The following DLGAP2 variants were observed in gnomAD, a reference collection of about 807,000 sequenced individuals.
The protein encoded by DLGAP2 is DLG associated protein 2, also known as disks large-associated protein 2.
A neutral mutation model predicts 100.3 loss-of-function variants in DLGAP2; 26 were observed. The observed-to-expected ratio is 0.26, with a 90% CI of 0.19 to 0.36. The LOEUF is 0.36. Among genes scored for constraint, DLGAP2 ranks in the 10% least tolerant of loss-of-function variants. The pLI, the probability that DLGAP2 is intolerant of heterozygous loss-of-function variation, is 1.00. For missense variants in DLGAP2, 1,858 were observed against 1,453.2 expected, an observed-to-expected ratio of 1.28 and a Z score of -4.53; for synonymous variants, 886 against 630.1, an observed-to-expected ratio of 1.41 and a Z score of -6.08.
chr8:1,139,586 T>A (rs1286654017), intron 2 of DLGAP2, among the ~76,000 whole-genome samples: 1 of 152,132 alleles, frequency 6.6e-6, no homozygotes, highest in Non-Finnish European at 1.5e-5. Context: ...ACTGTGTGAA[T>A]CTTGAGGGTA....
In DLGAP2 at chr8:1,512,404, G is replaced by A. The variant is rs576185143; in HGVS notation, c.172+10973G>A. 9.2e-5 allele frequency among the ~76,000 whole-genome samples: 14 copies of A among 152,240 alleles called. 1 individual carries two copies. Among genetic ancestry groups the A allele is most frequent in the African/African-American group, 3.1e-4 (13 of 41,540 alleles). On this transcript the variant is annotated intron_variant, in intron 4 of 14. Transcript: ENST00000637795. ...GTTCAGACAAATGGTGGAAATCGTC[G>A]GCGGCATAGGGACGGGGCCAGCGTG...
chr8:956,512 G>T (rs958951057), intron 2 of DLGAP2, among the ~76,000 whole-genome samples: 1 of 152,148 alleles, frequency 6.6e-6, no homozygotes, highest in African/African-American at 2.4e-5. Flanking sequence ...GCATGACAGG[G>T]GCCACAGCCC....
intron 3 of DLGAP2, among the ~76,000 whole-genome samples, chr8:1,275,985 A>G (rs1402300159): frequency 3.8e-5 from 5 of 131,192 alleles, no homozygotes; most frequent in East Asian, 2.0e-4. Context: ...AATATAATAT[A>G]TAAATAAATG....
intron 1 of DLGAP2, among the ~76,000 whole-genome samples, chr8:822,657 C>G (rs910612758): frequency 2.0e-5 from 3 of 152,202 alleles, no homozygotes; most frequent in African/African-American, 4.8e-5. Context: ...TGGAGCTTTT[C>G]AAATAGCAGT....
intron 2 of DLGAP2, among the ~76,000 whole-genome samples, chr8:1,145,804 C>T (rs1796596365): frequency 7.0e-6 from 1 of 142,722 alleles, no homozygotes; most frequent in Non-Finnish European, 1.5e-5. Context: ...TGATGTTCCC[C>T]TTCCTGTGTC....
At chr8:1,119,908 G>A (rs1455897773) in intron 2 of DLGAP2, among the ~76,000 whole-genome samples, 1 of 152,186 alleles carries the variant, frequency 6.6e-6, no homozygotes, top group African/African-American at 2.4e-5. Context: ...CTTCTCACTA[G>A]AAAGGTTTCC....
chr8:1,259,139 T>A (rs13278551), intron 3 of DLGAP2, among the ~76,000 whole-genome samples: 1 of 152,176 alleles, frequency 6.6e-6, no homozygotes, highest in Non-Finnish European at 1.5e-5. Flanking sequence ...TTGTTTGTTC[T>A]GGATTGACAA....
intron 1 of DLGAP2, among the ~76,000 whole-genome samples, chr8:879,146 A>G (rs1386563885): frequency 6.6e-6 from 1 of 152,214 alleles, no homozygotes; most frequent in Non-Finnish European, 1.5e-5. Flanking sequence ...AGGATCACAA[A>G]GGGAGTTTGT....
At chr8:1,151,558 G>T (rs7000565) in intron 2 of DLGAP2, among the ~76,000 whole-genome samples, 3,792 of 152,214 alleles carry the variant, frequency 0.025, 175 homozygotes, top group African/African-American at 0.086. Flanking sequence ...TGACGATTCC[G>T]GTTGTTCTTT....
intron 2 of DLGAP2, among the ~76,000 whole-genome samples, chr8:982,602 T>C (rs974845477): frequency 6.6e-6 from 1 of 152,206 alleles, no homozygotes; most frequent in African/African-American, 2.4e-5. Context: ...GTGAAGAGGC[T>C]TAGGAAGATG....
At chr8:1,135,382 G>C (rs2878767) in intron 2 of DLGAP2, among the ~76,000 whole-genome samples, 1 of 152,052 alleles carries the variant, frequency 6.6e-6, no homozygotes, top group Non-Finnish European at 1.5e-5. Context: ...AGTGCATCTC[G>C]TCTTAGGGGA....
Position 1,705,121 on chromosome 8 carries a change from T to C in DLGAP2, c.*3715T>C, listed in dbSNP as rs1484300439. ...TGCAGGCCTGTGTTTGCAGCGCCTG[T>C]GGTAACTGTGGAATGAGCTCTGTTA... On this transcript the variant is annotated 3_prime_UTR_variant, in exon 15 of 15. Coordinates refer to ENST00000637795, the MANE Select transcript of DLGAP2 (RefSeq NM_001346810.2). The C allele has an allele frequency of 6.6e-6, 1 of 152,212 alleles. No homozygotes were observed. The highest frequency in any genetic ancestry group is 2.4e-5 in the African/African-American group (1 of 41,434). The allele number at this position is 152,212 out of a possible 1,614,324, so 9.4% of individuals were successfully genotyped here.
At chr8:1,070,111 G>A (rs1209990810) in intron 2 of DLGAP2, among the ~76,000 whole-genome samples, 3 of 152,192 alleles carry the variant, frequency 2.0e-5, no homozygotes, top group African/African-American at 7.2e-5. Flanking sequence ...CTGTACTTGA[G>A]GAAAACCTGA....
At chr8:795,390 C>T (rs1796002191) in intron 1 of DLGAP2, among the ~76,000 whole-genome samples, 2 of 152,224 alleles carry the variant, frequency 1.3e-5, no homozygotes, top group Non-Finnish European at 2.9e-5. Flanking sequence ...GGGCATGTCA[C>T]AGCCTTGCAC....
intron 2 of DLGAP2, among the ~76,000 whole-genome samples, chr8:1,103,880 C>A (rs1294397603): frequency 6.6e-6 from 1 of 152,206 alleles, no homozygotes; most frequent in Admixed American, 6.5e-5. Context: ...CGAGGGGTCC[C>A]CGCACCCATG....
At chr8:1,572,750 G>T (rs1486336020) in intron 6 of DLGAP2, among the ~76,000 whole-genome samples, 2 of 89,426 alleles carry the variant, frequency 2.2e-5, no homozygotes, top group Admixed American at 1.2e-4. Flanking sequence ...GGGGGCGTCT[G>T]ATGAGATGGA....
intron 2 of DLGAP2, among the ~76,000 whole-genome samples, chr8:951,965 C>G (rs972288540): frequency 6.6e-6 from 1 of 152,230 alleles, no homozygotes; most frequent in Non-Finnish European, 1.5e-5. Flanking sequence ...CCGTTTGCTC[C>G]TGCTGATCCT....
At chr8:928,027 G>A (rs1390065290) in intron 2 of DLGAP2, among the ~76,000 whole-genome samples, 1 of 152,160 alleles carries the variant, frequency 6.6e-6, no homozygotes, top group Non-Finnish European at 1.5e-5. Context: ...CCAGCCATGG[G>A]GTCCCGGGAG....
chr8:782,451 A>C (rs1004374775), intron 1 of DLGAP2, among the ~76,000 whole-genome samples: 1 of 152,202 alleles, frequency 6.6e-6, no homozygotes, highest in African/African-American at 2.4e-5. Context: ...ATAATGTTAG[A>C]TATTCCATGC....
Sources: gnomAD v4.1 joint callset for allele counts (sites outside exome capture counted in the v4.1 genomes callset) on GRCh38, gnomAD v4.1.1 for gene constraint, MANE v1.5 for transcripts, NCBI Gene and HGNC (gene_info 2026-07-23, HGNC 2026-07-21) for gene names.